Variants in ARHGAP5 observed in about 807,000 individuals in gnomAD.
ARHGAP5 encodes the protein Rho GTPase activating protein 5.
A neutral mutation model predicts 116.6 loss-of-function variants in ARHGAP5; 23 were observed. The ratio of observed to expected loss-of-function variants is 0.20; its 90% CI spans 0.14 to 0.28. The LOEUF is 0.28. Ranked by LOEUF, ARHGAP5 falls within the 10% of genes least tolerant of loss-of-function variation. The pLI is 1.00. For missense variants in ARHGAP5, 1,405 were observed against 1,774.8 expected, an observed-to-expected ratio of 0.79 and a Z score of 3.74; for synonymous variants, 574 against 602.0, an observed-to-expected ratio of 0.95 and a Z score of 0.68.
At chr14:32,107,117 C>T (rs1490723496) in intron 2 of ARHGAP5, among the ~76,000 whole-genome samples, 1 of 152,128 alleles carries the variant, frequency 6.6e-6, no homozygotes, top group Non-Finnish European at 1.5e-5. Context: ...TTCTCAAGGG[C>T]CTTAAATTCC....
chr14:32,093,980 A>G lies in ARHGAP5; in HGVS notation c.3311A>G (p.Tyr1104Cys). 6.2e-7 allele frequency: 1 copy of G among 1,613,760 alleles called. No individual in the cohort carries two copies. Among genetic ancestry groups the G allele is most frequent in the Non-Finnish European group, 8.5e-7 (1 of 1,179,920 alleles). Reference sequence around the variant, plus strand: ...GATACAATTTTCAAACAGAAGGGCTATTCTGATGAGATTTATGTTGTCCCA... The same window carrying G: ...GATACAATTTTCAAACAGAAGGGCTGTTCTGATGAGATTTATGTTGTCCCA... ...PIDTIFKQKG[Y>C]SDEIYVVPDD... The change falls in exon 2 of 7, where the codon TAT becomes TGT. Residue 1104 changes from tyrosine to cysteine, a missense_variant. Coordinates refer to ENST00000345122, the MANE Select transcript of ARHGAP5 (RefSeq NM_001030055.2).
chr14:32,152,701 T>A (rs1353207704), intron 6 of ARHGAP5, among the ~76,000 whole-genome samples, 173 bp downstream of exon 6: 1 of 152,234 alleles, frequency 6.6e-6, no homozygotes, highest in African/African-American at 2.4e-5. Context: ...AGTTTTGTAA[T>A]GTAATTATTA....
chr14:32,150,595 C>T (rs894247695), intron 5 of ARHGAP5, among the ~76,000 whole-genome samples: 25 of 152,152 alleles, frequency 1.6e-4, no homozygotes, highest in African/African-American at 5.8e-4. Context: ...GCTGAACTTA[C>T]TCTTTTATCA....
Position 32,152,545 on chromosome 14 carries a change from A to C in ARHGAP5, c.4181+17A>C. 2 of 1,472,478 alleles carry C rather than the reference A, an allele frequency of 1.4e-6. No individual in the cohort carries two copies. Among genetic ancestry groups the C allele is most frequent in the South Asian group, 2.6e-5 (2 of 75,906 alleles). 91.2% of individuals were successfully genotyped at this position (1,472,478 alleles called of 1,614,324 possible). A position where few individuals can be genotyped will look rare whatever the true frequency, so the allele number is the denominator to read the frequency against. On this transcript the variant is annotated intron_variant, in intron 6 of 6. Coordinates refer to ENST00000345122, the MANE Select transcript of ARHGAP5 (RefSeq NM_001030055.2). Reference sequence around the variant, plus strand: ...TCTAAACAGGTATTTTTATTTTTTTAGGGTTTTTTGGCAAATAAAATGCAC... The same window carrying C: ...TCTAAACAGGTATTTTTATTTTTTTCGGGTTTTTTGGCAAATAAAATGCAC...
At chr14:32,153,828 G>A (rs1881767795) in intron 6 of ARHGAP5, among the ~76,000 whole-genome samples, 1 of 151,620 alleles carries the variant, frequency 6.6e-6, no homozygotes, top group African/African-American at 2.4e-5. Flanking sequence ...TCAACACTTT[G>A]GGGAGCTGGA....
In ARHGAP5 at chr14:32,157,810, T is replaced by G. The variant is rs931126068; in HGVS notation, c.*2862T>G. ...ATGTAAATAATGTAGACCTGGGTTTTTTTGTTTATTTGGGTTTGTTTTTTT... is the reference window on the plus strand; with the variant it reads ...ATGTAAATAATGTAGACCTGGGTTTGTTTGTTTATTTGGGTTTGTTTTTTT... On this transcript the variant is annotated 3_prime_UTR_variant, in exon 7 of 7. Transcript: ENST00000345122. The G allele has an allele frequency of 5.3e-5, 8 of 151,356 alleles. No homozygotes were observed. Among genetic ancestry groups the G allele is most frequent in the African/African-American group, 1.9e-4 (8 of 41,392 alleles). 9.4% of individuals were successfully genotyped at this position (151,356 alleles called of 1,614,324 possible).
intron 1 of ARHGAP5, among the ~76,000 whole-genome samples, chr14:32,083,578 G>A (rs192429977): frequency 3.2e-4 from 48 of 152,250 alleles, no homozygotes; most frequent in African/African-American, 1.1e-3. Flanking sequence ...CTTGGCTATG[G>A]TACTGTTTAT....
chr14:32,118,257 G>C (rs749432891), intron 3 of ARHGAP5, among the ~76,000 whole-genome samples: 3 of 152,176 alleles, frequency 2.0e-5, no homozygotes, highest in African/African-American at 7.2e-5. Context: ...CCAGCACTTT[G>C]GGAGGCTGAG....
intron 3 of ARHGAP5, among the ~76,000 whole-genome samples, chr14:32,125,887 T>A (rs1375014740): frequency 1.3e-5 from 2 of 152,224 alleles, no homozygotes; most frequent in African/African-American, 4.8e-5. Context: ...TTATTGTAAA[T>A]GGAATTTAAT....
chr14:32,088,846 C>T (rs2041856354), intron 1 of ARHGAP5, among the ~76,000 whole-genome samples: 1 of 151,914 alleles, frequency 6.6e-6, no homozygotes, highest in Non-Finnish European at 1.5e-5. Context: ...AGGCACTTCA[C>T]ATTTTAAAAA....
At chr14:32,152,206 C>A (rs961509226) in intron 5 of ARHGAP5, among the ~76,000 whole-genome samples, 2 of 152,198 alleles carry the variant, frequency 1.3e-5, no homozygotes, top group Non-Finnish European at 2.9e-5. Flanking sequence ...ACCATCCCCC[C>A]ACCCATCTGT....
chr14:32,124,508 GA>G (rs1880048078), intron 3 of ARHGAP5, among the ~76,000 whole-genome samples: 2 of 152,152 alleles, frequency 1.3e-5, no homozygotes, highest in South Asian at 4.1e-4. Flanking sequence ...TAACTGAAGA[GA>G]AAGGGAATAA....
rs940378048 is a variant in ARHGAP5 at position 32,130,694 on chromosome 14, C to T, written c.3865+13407C>T. On this transcript the variant is annotated intron_variant, in intron 3 of 6. Coordinates refer to ENST00000345122, the MANE Select transcript of ARHGAP5 (RefSeq NM_001030055.2). Reference sequence around the variant, plus strand: ...ACTACAGGCACGTGCCACCACACCCCGCTGATTTTTGCATTTTTAGTAGAG... The same window carrying T: ...ACTACAGGCACGTGCCACCACACCCTGCTGATTTTTGCATTTTTAGTAGAG... 7.9e-5 allele frequency among the ~76,000 whole-genome samples: 12 copies of T among 151,812 alleles called. No homozygotes were observed. The South Asian group carries it at 1.5e-3, about 18-fold the overall frequency.
At position 32,092,500 on chromosome 14, in the gene ARHGAP5, G is replaced by A. The variant is rs749983920; in HGVS notation, c.1831G>A (p.Ala611Thr). The A allele has an allele frequency of 1.9e-6, 3 of 1,613,946 alleles. No individual in the cohort carries two copies. The highest frequency in any genetic ancestry group is 2.5e-6 in the Non-Finnish European group (3 of 1,179,850). Residue 611 changes from alanine (A) to threonine (T), a missense_variant, in exon 2 of 7, where the codon GCA (alanine) becomes ACA (threonine). Physicochemically the swap from Ala to Thr is moderately conservative, Grantham distance 58 (BLOSUM62 0). Transcript: ENST00000345122. The surrounding 1 kb of genome is among the most constrained non-coding windows in gnomAD (Gnocchi z 4.1). ...GAAGGATGGCCTTGCCCAAGAACTA[G>A]CAAATGAGATAAGGACACAATCCAC... is the stretch of plus-strand genomic sequence containing the variant. ...LGKDGLAQEL[A>T]NEIRTQSTDD...
intron 3 of ARHGAP5, among the ~76,000 whole-genome samples, chr14:32,121,476 T>C (rs1408803555): frequency 6.6e-6 from 1 of 152,204 alleles, no homozygotes; most frequent in East Asian, 1.9e-4. Flanking sequence ...CTTGTTCTGT[T>C]GTTATATATT....
rs570430318 is a variant in ARHGAP5, at chr14:32,147,556, A to G, written c.3943+1216A>G. Among the ~76,000 whole-genome samples, 116 of 152,358 alleles carry G rather than the reference A, an allele frequency of 7.6e-4. 1 individual carries two copies. Among genetic ancestry groups the G allele is most frequent in the Middle Eastern group, 3.4e-3 (1 of 294 alleles). On this transcript the variant is annotated intron_variant, in intron 4 of 6. Transcript: ENST00000345122. ...GCAGTTTGTGAATATCAGGATTCAG[A>G]TAGCTTTGCTAGAGAAATTCCACTT...
chr14:32,095,109 T>C (rs1233058455), intron 2 of ARHGAP5, among the ~76,000 whole-genome samples: 2 of 152,252 alleles, frequency 1.3e-5, no homozygotes, highest in Non-Finnish European at 2.9e-5. Context: ...TTAAGGATTT[T>C]ATGGCTTAAG....
intron 2 of ARHGAP5, among the ~76,000 whole-genome samples, chr14:32,095,610 C>T (rs1878488473): frequency 6.6e-6 from 1 of 152,000 alleles, no homozygotes; most frequent in Admixed American, 6.5e-5. Context: ...TGGGGTTTCT[C>T]CATGTTGGTC....
rs187804252 is a variant in ARHGAP5 at position 32,083,006 on chromosome 14, G to A, written c.-169+5571G>A. Among the ~76,000 whole-genome samples, 29 of 152,298 alleles carry A rather than the reference G, an allele frequency of 1.9e-4. No homozygotes were observed. The East Asian group carries it at 5.0e-3, about 26-fold the overall frequency. On this transcript the variant is annotated intron_variant, in intron 1 of 6. Transcript: ENST00000345122. Reference sequence around the variant, plus strand: ...ACTCTTGTTTTCCCTTGAGACCTAGGGTCATAACTTATATGTTCAAAACAG... The same window carrying A: ...ACTCTTGTTTTCCCTTGAGACCTAGAGTCATAACTTATATGTTCAAAACAG...
Sources: allele counts gnomAD v4.1 joint callset (sites outside exome capture counted in the v4.1 genomes callset), GRCh38; gene constraint gnomAD v4.1.1; non-coding constraint Gnocchi (gnomAD v3.1); transcripts MANE v1.5; gene names NCBI Gene and HGNC (gene_info 2026-07-23, HGNC 2026-07-21).